Variants in TCERG1L observed in about 807,000 individuals in gnomAD.
TCERG1L encodes transcription elongation regulator 1 like, also known as transcription elongation regulator 1-like protein.
A neutral mutation model predicts 56.3 loss-of-function variants in TCERG1L; 37 were observed. That is an observed-to-expected ratio of 0.66 (90% CI 0.51 to 0.87). The LOEUF is 0.87. Ranked by LOEUF, TCERG1L falls within the 40% of genes least tolerant of loss-of-function variation. The pLI, the probability that TCERG1L is intolerant of heterozygous loss-of-function variation, is 0.00. For missense variants in TCERG1L, 799 were observed against 774.2 expected, an observed-to-expected ratio of 1.03 and a Z score of -0.38; for synonymous variants, 324 against 326.3, an observed-to-expected ratio of 0.99 and a Z score of 0.08.
At chr10:131,146,720 T>G in intron 6 of TCERG1L, 60 bp from the exon 7 acceptor site, 1 of 1,537,638 alleles carries the variant, frequency 6.5e-7, no homozygotes, top group East Asian at 2.3e-5. Flanking sequence ...AGAAAGTCGT[T>G]AGCATGAACT....
chr10:131,161,533 A>G (rs991918637), intron 6 of TCERG1L: 1 of 152,222 alleles, frequency 6.6e-6, no homozygotes, highest in Non-Finnish European at 1.5e-5. Flanking sequence ...CCTGGTAGGA[A>G]TAACACCTGT....
intron 5 of TCERG1L, among the ~76,000 whole-genome samples, chr10:131,164,410 G>A (rs1365276754): frequency 6.6e-6 from 1 of 152,156 alleles, no homozygotes; most frequent in Non-Finnish European, 1.5e-5. Context: ...AGTCAGTACT[G>A]AGCCGAAATA....
intron 4 of TCERG1L, among the ~76,000 whole-genome samples, chr10:131,168,082 G>A (rs1846050690): frequency 1.3e-5 from 2 of 152,198 alleles, no homozygotes; most frequent in Admixed American, 6.5e-5. Flanking sequence ...AGTGCAGTCA[G>A]GGAGGCCTGG....
At chr10:131,244,435 G>T (rs1196759878) in intron 4 of TCERG1L, among the ~76,000 whole-genome samples, 2 of 152,128 alleles carry the variant, frequency 1.3e-5, no homozygotes, top group Admixed American at 1.3e-4. Flanking sequence ...ATGCAGAGTG[G>T]GGGTGCTTTG....
intron 3 of TCERG1L, among the ~76,000 whole-genome samples, chr10:131,277,419 C>T (rs1335451192): frequency 6.6e-6 from 1 of 152,234 alleles, no homozygotes; most frequent in Non-Finnish European, 1.5e-5. Context: ...AGGAAATCTC[C>T]CGCAGGCCTG....
chr10:131,202,642 T>C (rs1481378324), intron 4 of TCERG1L, among the ~76,000 whole-genome samples: 2 of 152,158 alleles, frequency 1.3e-5, no homozygotes, highest in Non-Finnish European at 2.9e-5. Context: ...GTCTTTAAGG[T>C]ACACTGCTAA....
chr10:131,256,985 GAAGGAAGGAAAGAAAGAAAGA>G (rs1846172003), intron 4 of TCERG1L, among the ~76,000 whole-genome samples: 3 of 79,926 alleles, frequency 3.8e-5, no homozygotes, highest in South Asian at 4.0e-4. Context: ...AGGAAGGAAG[GAAGGAAGGAAAGAAAGAAAGA>G]AAGAAAGAAA....
chr10:131,264,004 GAACCACTGGGAGCCCCCAGA>G (rs1180390049), intron 3 of TCERG1L, among the ~76,000 whole-genome samples: 1 of 148,460 alleles, frequency 6.7e-6, no homozygotes, highest in Non-Finnish European at 1.5e-5. Context: ...CAAACCCCAG[GAACCACTGGGAGCCCCCAGA>G]AGGGCAATGG....
chr10:131,290,736 CCATA>C (rs1846607415), intron 3 of TCERG1L, among the ~76,000 whole-genome samples: 1 of 151,932 alleles, frequency 6.6e-6, no homozygotes, highest in Middle Eastern at 3.4e-3. Flanking sequence ...TGACTGAAGG[CCATA>C]CATTTTTTAA....
chr10:131,148,530 A>G (rs1589728684), intron 6 of TCERG1L, among the ~76,000 whole-genome samples: 2 of 152,122 alleles, frequency 1.3e-5, no homozygotes, highest in South Asian at 4.1e-4. Flanking sequence ...ACACATATAC[A>G]CATGCACAGA....
intron 3 of TCERG1L, among the ~76,000 whole-genome samples, chr10:131,280,464 G>A (rs2918109): frequency 0.88 from 133,831 of 151,824 alleles, 60,154 homozygotes; most frequent in South Asian, 0.97. Flanking sequence ...AAAGGTAGAT[G>A]AGAGAGGAAT....
At chr10:131,222,170 C>T (rs960631892) in intron 4 of TCERG1L, among the ~76,000 whole-genome samples, 2 of 152,216 alleles carry the variant, frequency 1.3e-5, no homozygotes, top group African/African-American at 2.4e-5. Flanking sequence ...TTAAGGTGGC[C>T]GCTTCTCCGC....
intron 7 of TCERG1L, among the ~76,000 whole-genome samples, chr10:131,135,225 G>C (rs576144758): frequency 6.6e-6 from 1 of 152,042 alleles, no homozygotes; most frequent in African/African-American, 2.4e-5. Flanking sequence ...ATTCCGCCCC[G>C]CCCAGCTTGG....
intron 3 of TCERG1L, among the ~76,000 whole-genome samples, chr10:131,263,416 G>A (rs748053941): frequency 7.2e-5 from 11 of 152,162 alleles, no homozygotes; most frequent in South Asian, 4.2e-4. Flanking sequence ...TCCATCTTTT[G>A]TTATATTGCA....
rs956696221 is a variant in TCERG1L, at chr10:131,308,214, G to T, written c.667C>A (p.Pro223Thr). The stretch of plus-strand genomic sequence containing the variant: ...TCAATGTTATTTGGGCACCAACCTG[G>T]GATGGGCTGAGGTGCTAACACCACC... Reference protein sequence around the residue: ...PTVVLAPQPIPGGCHNSLKVT... With the variant: ...PTVVLAPQPITGGCHNSLKVT... Residue 223 changes from proline (P) to threonine (T), a missense_variant, in exon 3 of 12, where the codon CCA (proline) becomes ACA (threonine). Transcript: ENST00000368642. 3 of 1,604,976 alleles carry T rather than the reference G, an allele frequency of 1.9e-6. No individual in the cohort carries two copies. Among genetic ancestry groups the T allele is most frequent in the Non-Finnish European group, 2.5e-6 (3 of 1,176,778 alleles).
intron 4 of TCERG1L, among the ~76,000 whole-genome samples, chr10:131,239,703 T>C (rs1257105427): frequency 4.6e-5 from 7 of 152,176 alleles, no homozygotes; most frequent in Non-Finnish European, 8.8e-5. Context: ...ACACCCACGA[T>C]AGATTGCTTC....
intron 7 of TCERG1L, among the ~76,000 whole-genome samples, chr10:131,141,468 C>T (rs1054837991): frequency 6.6e-6 from 1 of 152,180 alleles, no homozygotes; most frequent in African/African-American, 2.4e-5. Flanking sequence ...CTTCCCCAAC[C>T]CACAAGGCAT....
chr10:131,268,833 G>A (rs1460724928), intron 3 of TCERG1L, among the ~76,000 whole-genome samples: 1 of 152,226 alleles, frequency 6.6e-6, no homozygotes, highest in Non-Finnish European at 1.5e-5. Context: ...TTAGGAGCTT[G>A]CTCTGGATTA....
At chr10:131,245,153 A>G (rs948051960) in intron 4 of TCERG1L, among the ~76,000 whole-genome samples, 1 of 152,186 alleles carries the variant, frequency 6.6e-6, no homozygotes, top group African/African-American at 2.4e-5. Flanking sequence ...AGCTCCTGAA[A>G]GGTCTCATTG....
Sources: allele counts gnomAD v4.1 joint callset (sites outside exome capture counted in the v4.1 genomes callset), GRCh38; gene constraint gnomAD v4.1.1; transcripts MANE v1.5; gene names NCBI Gene and HGNC (gene_info 2026-07-23, HGNC 2026-07-21).